Variants in WASF3 observed in about 807,000 individuals in gnomAD.
WASF3 encodes the protein actin-binding protein WASF3.
Under a neutral mutation model 46.6 loss-of-function variants are expected in WASF3, and 11 were observed. The ratio of observed to expected loss-of-function variants is 0.24; its 90% CI spans 0.15 to 0.39. The LOEUF (loss-of-function observed/expected upper bound fraction) is 0.39, where lower values mean the gene tolerates loss of function less well. Among genes scored for constraint, WASF3 ranks in the 10% least tolerant of loss-of-function variants. The probability of loss-of-function intolerance (pLI) is 1.00; values close to 1 mark genes in which losing one functional copy is unlikely to be tolerated. For missense variants in WASF3, 576 were observed against 669.8 expected, an observed-to-expected ratio of 0.86 and a Z score of 1.55; for synonymous variants, 242 against 259.7, an observed-to-expected ratio of 0.93 and a Z score of 0.65.
chr13:26,553,944 A>C (rs574296391), upstream of WASF3, among the ~76,000 whole-genome samples: 1 of 151,924 alleles, frequency 6.6e-6, no homozygotes, highest in Non-Finnish European at 1.5e-5. Context: ...ACATTGGAAA[A>C]ATTTTAATAT....
the WASF3 span, among the ~76,000 whole-genome samples, chr13:26,544,787 A>C: frequency 1.3e-5 from 2 of 152,338 alleles, no homozygotes; most frequent in South Asian, 4.1e-4. Context: ...AAGGTCTCTT[A>C]AAGCTGTCAA....
At chr13:26,588,986 G>A (rs1880213051) in intron 1 of WASF3, among the ~76,000 whole-genome samples, 1 of 151,740 alleles carries the variant, frequency 6.6e-6, no homozygotes, top group South Asian at 2.1e-4. Flanking sequence ...TAGAGATGGC[G>A]TTTCACCATG....
chr13:26,572,418 T>C (rs2137155385), intron 1 of WASF3, among the ~76,000 whole-genome samples: 1 of 152,336 alleles, frequency 6.6e-6, no homozygotes, highest in East Asian at 1.9e-4. Flanking sequence ...TCCTATTTAT[T>C]CTATATATAT....
chr13:26,664,880 C>G (rs1882725925), intron 3 of WASF3, 148 bp from the exon 4 acceptor site: 4 of 712,116 alleles, frequency 5.6e-6, no homozygotes, highest in Non-Finnish European at 6.9e-6. Flanking sequence ...TTCAAAAGTT[C>G]TAAAGGCCTT....
chr13:26,635,330 G>C (rs1881785113), intron 2 of WASF3, among the ~76,000 whole-genome samples: 1 of 152,150 alleles, frequency 6.6e-6, no homozygotes, highest in Admixed American at 6.5e-5. Context: ...ATGGTTTTCA[G>C]CTCCATCAGG....
chr13:26,631,028 T>C (rs1372213761), intron 2 of WASF3, among the ~76,000 whole-genome samples: 1 of 152,176 alleles, frequency 6.6e-6, no homozygotes, highest in Non-Finnish European at 1.5e-5. Flanking sequence ...TAAATTTGTT[T>C]GGTTCATTGT....
Position 26,682,690 on chromosome 13 carries a change from A to G in WASF3, c.1067A>G (p.Gln356Arg), listed in dbSNP as rs200041610. 1 of 1,614,064 alleles carries G rather than the reference A, an allele frequency of 6.2e-7. No individual in the cohort carries two copies. The highest frequency in any genetic ancestry group is 1.3e-5 in the African/African-American group (1 of 75,022). Residue 356 changes from glutamine (Q) to arginine (R), a missense_variant, in exon 9 of 10, where the codon CAA (glutamine) becomes CGA (arginine). Coordinates refer to ENST00000335327, the MANE Select transcript of WASF3 (RefSeq NM_006646.6). This position sits in a 1 kb window ranked among gnomAD's most constrained non-coding sequence, Gnocchi z 4.4. Reference protein sequence around the residue: ...PPPPPVIPSAQTAFVSPLQMP... With the variant: ...PPPPPVIPSARTAFVSPLQMP... ...CCTCCTCCTGTGATTCCCTCAGCACAAACTGCCTTCGTCAGCCCTCTCCAG... is the reference window on the plus strand; with the variant it reads ...CCTCCTCCTGTGATTCCCTCAGCACGAACTGCCTTCGTCAGCCCTCTCCAG...
chr13:26,560,159 T>C (rs1593364992), intron 1 of WASF3, among the ~76,000 whole-genome samples: 1 of 152,196 alleles, frequency 6.6e-6, no homozygotes, highest in Admixed American at 6.5e-5. Context: ...TTAAGGGCCC[T>C]GTTTCTTTCA....
At chr13:26,643,617 A>G (rs1426889173) in intron 3 of WASF3, among the ~76,000 whole-genome samples, 2 of 152,206 alleles carry the variant, frequency 1.3e-5, no homozygotes, top group African/African-American at 2.4e-5. Flanking sequence ...TAAATTATTG[A>G]AGGGTAAAAT....
chr13:26,589,035 C>T (rs184161808), intron 1 of WASF3, among the ~76,000 whole-genome samples: 5 of 152,202 alleles, frequency 3.3e-5, no homozygotes, highest in Admixed American at 3.3e-4. Flanking sequence ...CTCAAATGAC[C>T]CTCTTGCCTC....
intron 1 of WASF3, among the ~76,000 whole-genome samples, chr13:26,587,963 A>C (rs1458448658): frequency 6.6e-6 from 1 of 152,188 alleles, no homozygotes; most frequent in African/African-American, 2.4e-5. Flanking sequence ...AAGAAAAAAG[A>C]CTAAAAAATC....
chr13:26,560,718 T>G (rs1047207784), intron 1 of WASF3, among the ~76,000 whole-genome samples: 4 of 152,224 alleles, frequency 2.6e-5, no homozygotes, highest in African/African-American at 9.7e-5. Flanking sequence ...ATTTGCTTTA[T>G]TCATTCAGTA....
chr13:26,613,991 C>T (rs751833717), intron 2 of WASF3, among the ~76,000 whole-genome samples: 2 of 152,124 alleles, frequency 1.3e-5, no homozygotes, highest in African/African-American at 4.8e-5. Flanking sequence ...TCCTCATATG[C>T]AGAATACTAT....
chr13:26,596,445 C>T (rs1352949815), intron 1 of WASF3, among the ~76,000 whole-genome samples: 2 of 151,926 alleles, frequency 1.3e-5, no homozygotes, highest in Admixed American at 6.6e-5. Context: ...CTAAACATGT[C>T]AGTTCATCAT....
chr13:26,574,565 A>T (rs187660204), intron 1 of WASF3, among the ~76,000 whole-genome samples: 126 of 152,180 alleles, frequency 8.3e-4, no homozygotes, highest in African/African-American at 3.0e-3. Context: ...TTTTATATAC[A>T]GCATAGTCTT....
At chr13:26,541,606 G>T in the WASF3 span, among the ~76,000 whole-genome samples, 1 of 151,650 alleles carries the variant, frequency 6.6e-6, no homozygotes, top group Non-Finnish European at 1.5e-5. Context: ...CTTAGCCCCA[G>T]CTCCTTTGGG....
intron 2 of WASF3, among the ~76,000 whole-genome samples, chr13:26,614,084 T>A (rs1881061912): frequency 6.6e-6 from 1 of 151,458 alleles, no homozygotes; most frequent in Admixed American, 6.6e-5. Context: ...CTTTCTTTTT[T>A]CTTTTGGAAG....
chr13:26,634,024 A>G (rs920359430), intron 2 of WASF3, among the ~76,000 whole-genome samples: 1 of 152,186 alleles, frequency 6.6e-6, no homozygotes, highest in Non-Finnish European at 1.5e-5. Context: ...TGCAGAGCTG[A>G]GTTGAAGTCC....
intron 7 of WASF3, chr13:26,680,030 T>C (rs73170110): frequency 0.014 from 22,211 of 1,595,138 alleles, 193 homozygotes; most frequent in Non-Finnish European, 0.017. Flanking sequence ...TGGTATTTCC[T>C]TCAGAGAGAG....
Sources: gnomAD v4.1 joint callset for allele counts (sites outside exome capture counted in the v4.1 genomes callset) on GRCh38, gnomAD v4.1.1 for gene constraint, Gnocchi (gnomAD v3.1) non-coding constraint, MANE v1.5 for transcripts, NCBI Gene and HGNC (gene_info 2026-07-23, HGNC 2026-07-21) for gene names.